Variants in GRID2IP observed in about 807,000 individuals in gnomAD.
GRID2IP encodes the protein delphilin.
In GRID2IP, 78 loss-of-function variants were observed where a neutral mutation model predicts 114.3. The observed-to-expected ratio is 0.68, with a 90% confidence interval of 0.57 to 0.82. The LOEUF (loss-of-function observed/expected upper bound fraction) is 0.82. GRID2IP is among the 40% of genes least tolerant of loss of function. The pLI is 0.00. For synonymous variants in GRID2IP, 809 were observed against 724.0 expected, an observed-to-expected ratio of 1.12 and a Z score of -1.89; for missense variants, 1,727 against 1,678.5, an observed-to-expected ratio of 1.03 and a Z score of -0.51.
intron 8 of GRID2IP, among the ~76,000 whole-genome samples, chr7:6,511,444 C>T (rs887770939): frequency 7.9e-5 from 12 of 152,104 alleles, no homozygotes; most frequent in Non-Finnish European, 1.5e-4. Context: ...GCAATCTCAG[C>T]TCACTGCAAC....
At position 6,502,786 on chromosome 7, in the gene GRID2IP, C is replaced by T; in HGVS notation, c.3150G>A (p.Glu1050=). 2 of 1,551,002 alleles carry T rather than the reference C, an allele frequency of 1.3e-6. No individual in the cohort carries two copies. The highest frequency in any genetic ancestry group is 1.7e-6 in the Non-Finnish European group (2 of 1,146,240). The change falls in exon 18 of 22, where the codon GAG becomes GAA. Residue 1050 remains glutamate (E), a splice_region_variant and synonymous_variant. Transcript: ENST00000457091. The part of the protein sequence containing the change: ...TTGFKINFLT[E]LNSTKTVDGK... ...GATTGCTGCCGGCAGGTCCCCTCACCTCTGTCAGAAAGTTGATCTTGAAGC... is the reference window on the plus strand; with the variant it reads ...GATTGCTGCCGGCAGGTCCCCTCACTTCTGTCAGAAAGTTGATCTTGAAGC...
Position 6,520,606 on chromosome 7 carries a change from G to A in GRID2IP, c.1240C>T (p.Arg414Trp), listed in dbSNP as rs906154552. The change falls in exon 7 of 22, where the codon CGG (arginine) becomes TGG (tryptophan). Residue 414 changes from arginine (R) to tryptophan (W), a missense_variant. Physicochemically the swap from Arg to Trp is moderately radical, Grantham distance 101 (BLOSUM62 -3). Transcript: ENST00000457091. This position sits in a 1 kb window ranked among gnomAD's most constrained non-coding sequence, Gnocchi z 4.6. ...TGCTGGAAGAAGCTCTCGAGGGCCC[G>A]GCAGACCCCATAGCGCTCAGGAGGT... ...LTPPERYGVCRALESFFQHRN... is the reference protein window; with the variant it reads ...LTPPERYGVCWALESFFQHRN... 3 of 1,551,396 alleles carry A rather than the reference G, an allele frequency of 1.9e-6. No homozygotes were observed. Among genetic ancestry groups the A allele is most frequent in the South Asian group, 1.2e-5 (1 of 84,048 alleles).
At position 6,536,837 on chromosome 7, in the gene GRID2IP, C is replaced by CAGCT; in HGVS notation, c.584+2877_584+2880dup. ...GGGCTCACCCCTTACTCACCCCAGG[C>CAGCT]AGCTCATGGTGGCCTCTTTCGGTGG... On this transcript the variant is annotated intron_variant, in intron 2 of 21. Coordinates refer to ENST00000457091, the MANE Select transcript of GRID2IP (RefSeq NM_001145118.2). This position sits in a 1 kb window ranked among gnomAD's most constrained non-coding sequence, Gnocchi z 5.3. 1 of 691,796 alleles carries CAGCT rather than the reference C, an allele frequency of 1.4e-6. No homozygotes were observed. Among genetic ancestry groups the CAGCT allele is most frequent in the Non-Finnish European group, 2.6e-6 (1 of 378,348 alleles). The allele number at this position is 691,796 out of a possible 1,614,324, so 42.9% of individuals were successfully genotyped here.
chr7:6,515,870 G>A (rs1335098279), intron 7 of GRID2IP, among the ~76,000 whole-genome samples: 1 of 152,000 alleles, frequency 6.6e-6, no homozygotes. Flanking sequence ...AGGCTGAGGT[G>A]GGTGGATCAC....
intron 7 of GRID2IP, among the ~76,000 whole-genome samples, chr7:6,517,378 G>A (rs1779330251): frequency 6.6e-6 from 1 of 151,780 alleles, no homozygotes; most frequent in Non-Finnish European, 1.5e-5. Context: ...TTATTTCTAC[G>A]ATCTCTCATC....
chr7:6,502,211 G>T, intron 18 of GRID2IP, 93 bp from the exon 19 acceptor site: 1 of 1,258,498 alleles, frequency 7.9e-7, no homozygotes, highest in Non-Finnish European at 1.1e-6. Context: ...TGGCATCAAT[G>T]ATGAATTCTT....
intron 18 of GRID2IP, 105 bp from the exon 19 acceptor site, chr7:6,502,223 G>A: frequency 8.8e-7 from 1 of 1,132,724 alleles, no homozygotes; most frequent in Non-Finnish European, 1.3e-6. Context: ...TGAATTCTTG[G>A]CGCCCCCACT....
Position 6,509,251 on chromosome 7 carries a change from G to A in GRID2IP, c.1834C>T (p.His612Tyr). 2 of 1,526,482 alleles carry A rather than the reference G, an allele frequency of 1.3e-6. No homozygotes were observed. Among genetic ancestry groups the A allele is most frequent in the East Asian group, 2.5e-5 (1 of 40,680 alleles). The allele number at this position is 1,526,482 out of a possible 1,614,324, so 94.6% of individuals were successfully genotyped here. A position where few individuals can be genotyped will look rare whatever the true frequency, so the allele number is the denominator to read the frequency against. The change falls in exon 12 of 22, where the codon CAC (histidine) becomes TAC (tyrosine). Residue 612 changes from histidine to tyrosine, a missense_variant. Physicochemically the swap from His to Tyr is moderately conservative, Grantham distance 83. Transcript: ENST00000457091. The surrounding 1 kb of genome is among the most constrained non-coding windows in gnomAD (Gnocchi z 4.9). ...GCCAGACCCCCCGAACACAGCGGGT[G>A]GTAGCAGGGGGAGGGCAAGAGTCGC... ...SERLLPSPCYHPLCSGGLASP... is the reference protein window; with the variant it reads ...SERLLPSPCYYPLCSGGLASP...
chr7:6,526,295 T>A lies in GRID2IP; in HGVS notation c.848A>T (p.Tyr283Phe), dbSNP rs1188154666. ...PGGARRTVRV[Y>F]KGNKSFGFTL... Reference sequence around the variant, plus strand: ...GAAGCCGAAGCTCTTGTTGCCTTTGTAGACTCGGACAGTCCTGGGGGAAAA... The same window carrying A: ...GAAGCCGAAGCTCTTGTTGCCTTTGAAGACTCGGACAGTCCTGGGGGAAAA... Residue 283 changes from tyrosine to phenylalanine, a missense_variant, in exon 4 of 22, where the codon TAC becomes TTC. Tyr to Phe is a conservative substitution (Grantham distance 22). Coordinates refer to ENST00000457091, the MANE Select transcript of GRID2IP (RefSeq NM_001145118.2). The surrounding 1 kb of genome is among the most constrained non-coding windows in gnomAD (Gnocchi z 7.6). 1 of 1,551,960 alleles carries A rather than the reference T, an allele frequency of 6.4e-7. No homozygotes were observed. The highest frequency in any genetic ancestry group is 2.4e-5 in the East Asian group (1 of 40,910).
At chr7:6,502,934 G>A (rs916265065) in intron 17 of GRID2IP, 62 bp from the exon 18 acceptor site, 10 of 1,543,868 alleles carry the variant, frequency 6.5e-6, no homozygotes, top group Admixed American at 3.9e-5. Context: ...CCTGCTGTCT[G>A]GATGGGCCTC....
intron 14 of GRID2IP, among the ~76,000 whole-genome samples, chr7:6,505,388 C>A (rs1172341084): frequency 7.5e-6 from 1 of 133,938 alleles, no homozygotes; most frequent in African/African-American, 2.8e-5. Context: ...TAGACGGGGT[C>A]TCACTGTGTC....
chr7:6,520,745 G>A lies in GRID2IP; in HGVS notation c.1101C>T (p.Asp367=). ...VPFASDSDSL[D]SPNPSSALTS... ...TGAGCGCCGACGACGGGTTGGGTGA[G>A]TCCAGAGAATCGGAGTCTGCTGGGA... Residue 367 remains aspartate (D), a synonymous_variant, in exon 7 of 22, where the codon GAC becomes GAT. Transcript: ENST00000457091. This position sits in a 1 kb window ranked among gnomAD's most constrained non-coding sequence, Gnocchi z 4.6. 1 of 1,551,228 alleles carries A rather than the reference G, an allele frequency of 6.4e-7. No homozygotes were observed. Among genetic ancestry groups the A allele is most frequent in the Non-Finnish European group, 8.7e-7 (1 of 1,146,648 alleles).
intron 9 of GRID2IP, 87 bp from the exon 10 acceptor site, chr7:6,510,793 G>T: frequency 6.8e-7 from 1 of 1,473,680 alleles, no homozygotes; most frequent in Non-Finnish European, 9.2e-7. Flanking sequence ...ACCCAGGAGG[G>T]CCAATCCTGA....
chr7:6,536,326 G>A lies in GRID2IP; in HGVS notation c.584+3392C>T, dbSNP rs1583351445. Among the ~76,000 whole-genome samples the A allele has an allele frequency of 6.6e-6, 1 of 152,252 alleles. No homozygotes were observed. Among genetic ancestry groups the A allele is most frequent in the Admixed American group, 6.5e-5 (1 of 15,284 alleles). On this transcript the variant is annotated intron_variant, in intron 2 of 21. Transcript: ENST00000457091. The surrounding 1 kb of genome is among the most constrained non-coding windows in gnomAD (Gnocchi z 5.3). ...ACACGCGCTTACAGCAGAGGCTGCC[G>A]TTTCAAGCTGCGGGGACTGGGCATC... is the stretch of plus-strand genomic sequence containing the variant.
rs1363202720 is a variant in GRID2IP, at chr7:6,497,311, G to A, written c.*463C>T. Reference sequence around the variant, plus strand: ...CCCAGGCTGGGCGTGCACATCCCCAGGGCCCCTCTACATCCGGCTTTCTGC... The same window carrying A: ...CCCAGGCTGGGCGTGCACATCCCCAAGGCCCCTCTACATCCGGCTTTCTGC... On this transcript the variant is annotated 3_prime_UTR_variant, in exon 22 of 22. Transcript: ENST00000457091. Among the ~76,000 whole-genome samples the A allele has an allele frequency of 6.6e-6, 1 of 152,252 alleles. No homozygotes were observed. Among genetic ancestry groups the A allele is most frequent in the African/African-American group, 2.4e-5 (1 of 41,468 alleles).
chr7:6,533,315 G>A (rs2115089603), intron 2 of GRID2IP, among the ~76,000 whole-genome samples: 1 of 152,212 alleles, frequency 6.6e-6, no homozygotes, highest in Non-Finnish European at 1.5e-5. Context: ...CATATTTTAT[G>A]CCTGGTGCTT....
intron 1 of GRID2IP, among the ~76,000 whole-genome samples, chr7:6,542,076 C>A (rs566703806): frequency 2.0e-5 from 3 of 151,732 alleles, no homozygotes; most frequent in Non-Finnish European, 4.4e-5. Flanking sequence ...CCAAGGGGGG[C>A]GGATCATCTG....
At chr7:6,503,856 A>G (rs1562511369) in intron 15 of GRID2IP, among the ~76,000 whole-genome samples, 169 bp from the exon 16 acceptor site, 1 of 149,530 alleles carries the variant, frequency 6.7e-6, no homozygotes, top group Non-Finnish European at 1.5e-5. Flanking sequence ...CGGGGACAAG[A>G]GGCTGAGCTG....
intron 1 of GRID2IP, among the ~76,000 whole-genome samples, chr7:6,549,229 CAG>C (rs1491380086): frequency 6.6e-6 from 1 of 152,160 alleles, no homozygotes; most frequent in East Asian, 1.9e-4. Flanking sequence ...TCCTGCAAAT[CAG>C]GGGTTGCTTG....
Sources: allele counts gnomAD v4.1 joint callset (sites outside exome capture counted in the v4.1 genomes callset), GRCh38; gene constraint gnomAD v4.1.1; non-coding constraint Gnocchi (gnomAD v3.1); transcripts MANE v1.5; gene names NCBI Gene and HGNC (gene_info 2026-07-23, HGNC 2026-07-21).